NFKBIZ: variants seen among roughly 807,000 people sequenced by gnomAD.
NFKBIZ encodes NFKB inhibitor zeta, also known as NF-kappa-B inhibitor zeta.
NFKBIZ carries 19 observed loss-of-function variants against 76.8 expected under a neutral mutation model. The observed-to-expected ratio is 0.25, with a 90% CI of 0.17 to 0.36. The LOEUF is 0.36. Among genes scored for constraint, NFKBIZ ranks in the 10% least tolerant of loss-of-function variants. The pLI is 1.00. For missense variants in NFKBIZ, 829 were observed against 910.9 expected, an observed-to-expected ratio of 0.91 and a Z score of 1.16; for synonymous variants, 368 against 354.8, an observed-to-expected ratio of 1.04 and a Z score of -0.42.
chr3:101,849,556 A>G lies in NFKBIZ; in HGVS notation c.-73A>G. 3 of 1,246,544 alleles carry G rather than the reference A, an allele frequency of 2.4e-6. No homozygotes were observed. The highest frequency in any genetic ancestry group is 2.6e-5 in the South Asian group (1 of 39,174). The allele number at this position is 1,246,544 out of a possible 1,614,324, so 77.2% of individuals were successfully genotyped here. A position where few individuals can be genotyped will look rare whatever the true frequency, so the allele number is the denominator to read the frequency against. ...CCGCCCGCCGACAGCTCCCTGAGCC[A>G]GCCCGGGAGGCAGCCGCGCGCAGCG... On this transcript the variant is annotated 5_prime_UTR_variant, in exon 1 of 12. Coordinates refer to ENST00000326172, the MANE Select transcript of NFKBIZ (RefSeq NM_031419.4).
At chr3:101,835,061 CATT>C (rs1427823668) in intron 2 of NFKBIZ, among the ~76,000 whole-genome samples, 1 of 152,210 alleles carries the variant, frequency 6.6e-6, no homozygotes, top group East Asian at 1.9e-4. Context: ...TAACTACCAT[CATT>C]GAGTGTATAT....
intron 5 of NFKBIZ, among the ~76,000 whole-genome samples, chr3:101,854,362 T>C (rs563380653): frequency 6.6e-6 from 1 of 152,330 alleles, no homozygotes; most frequent in Non-Finnish European, 1.5e-5. Flanking sequence ...GTGCTTGACA[T>C]TCTTCTTTTT....
chr3:101,842,180 A>G (rs1045829555), intron 2 of NFKBIZ, among the ~76,000 whole-genome samples: 1 of 152,174 alleles, frequency 6.6e-6, no homozygotes, highest in Non-Finnish European at 1.5e-5. Context: ...GAAAGGCTCC[A>G]GAAGTGTTGG....
At chr3:101,844,810 T>A (rs1942828658), upstream of NFKBIZ, among the ~76,000 whole-genome samples, 1 of 152,192 alleles carries the variant, frequency 6.6e-6, no homozygotes, top group African/African-American at 2.4e-5. Flanking sequence ...TTCAGCAAAA[T>A]AAACTCTACC....
intron 11 of NFKBIZ, chr3:101,858,045 T>C: frequency 1.2e-6 from 1 of 867,114 alleles, no homozygotes; most frequent in Non-Finnish European, 1.4e-6. Flanking sequence ...TATCATTGAG[T>C]ATTGAATAGT....
At chr3:101,829,076 A>G (rs2107388626) in intron 1 of NFKBIZ, among the ~76,000 whole-genome samples, 1 of 152,310 alleles carries the variant, frequency 6.6e-6, no homozygotes, top group South Asian at 2.1e-4. Flanking sequence ...GCAGGGCATC[A>G]GCCACACAGA....
chr3:101,857,893 A>G (rs754591757), intron 11 of NFKBIZ: 26 of 863,884 alleles, frequency 3.0e-5, no homozygotes, highest in Non-Finnish European at 3.5e-5. Context: ...GAGATCAGTG[A>G]ACATCAATAG....
chr3:101,858,330 T>G (rs1943081922), intron 11 of NFKBIZ: 1 of 967,248 alleles, frequency 1.0e-6, no homozygotes, highest in Non-Finnish European at 1.2e-6. Flanking sequence ...AAAGTTTTCA[T>G]GTATATCATT....
At position 101,855,881 on chromosome 3, in the gene NFKBIZ, G is replaced by A; in HGVS notation, c.1803G>A (p.Met601Ile). 1.2e-6 allele frequency: 2 copies of A among 1,609,396 alleles called. No individual in the cohort carries two copies. The highest frequency in any genetic ancestry group is 1.7e-6 in the Non-Finnish European group (2 of 1,178,078). ...LVDTIKCLIQ[M>I]GAAVEAKDRK... ...ATACCATTAAGTGCCTAATTCAAAT[G>A]GGAGCAGCGGTGGAAGCGAAGGTAA... The change falls in exon 9 of 12, where the codon ATG becomes ATA. Residue 601 changes from methionine to isoleucine, a missense_variant. By Grantham distance (10) the Met-to-Ile change is conservative (BLOSUM62 1). Around this residue, in one of 4 missense-constraint regions of NFKBIZ, gnomAD observed 272 missense variants for 384.2 expected, o/e 0.71. Coordinates refer to ENST00000326172, the MANE Select transcript of NFKBIZ (RefSeq NM_031419.4).
chr3:101,830,101 G>T (rs929400021), intron 2 of NFKBIZ, among the ~76,000 whole-genome samples: 10 of 152,094 alleles, frequency 6.6e-5, no homozygotes, highest in African/African-American at 2.4e-4. Flanking sequence ...AGCATATGTG[G>T]TTTCTGATTA....
intron 1 of NFKBIZ, among the ~76,000 whole-genome samples, chr3:101,851,601 G>A (rs1472557549): frequency 6.6e-6 from 1 of 152,246 alleles, no homozygotes; most frequent in African/African-American, 2.4e-5. Flanking sequence ...AAATTTCTAT[G>A]TGAACATAAA....
intron 11 of NFKBIZ, chr3:101,858,467 A>G (rs915760430): frequency 1.0e-6 from 1 of 984,578 alleles, no homozygotes; most frequent in African/African-American, 1.7e-5. Context: ...ATTTGCTTCT[A>G]CTTCACTGTT....
rs1942931401 is a variant in NFKBIZ, at chr3:101,850,207, C to CT, written c.289+291dup. 2 of 361,680 alleles carry CT rather than the reference C, an allele frequency of 5.5e-6. 1 individual carries two copies. Among genetic ancestry groups the CT allele is most frequent in the Non-Finnish European group, 9.9e-6 (2 of 201,632 alleles). 22.4% of individuals were successfully genotyped at this position (361,680 alleles called of 1,614,324 possible). On this transcript the variant is annotated intron_variant, in intron 1 of 11. Coordinates refer to ENST00000326172, the MANE Select transcript of NFKBIZ (RefSeq NM_031419.4). ...GAGTGACCAGGAGATCGCTCGCTCT[C>CT]TAAGAAGCAGCTTTGTTGAGTCATA...
upstream of NFKBIZ, among the ~76,000 whole-genome samples, chr3:101,847,376 C>G (rs1189234573): frequency 6.6e-6 from 1 of 152,084 alleles, no homozygotes; most frequent in African/African-American, 2.4e-5. Flanking sequence ...TTAAAGTTAT[C>G]AAAAAGTTGG....
chr3:101,859,269 A>G (rs1313351441), intron 11 of NFKBIZ, 49 bp from the exon 12 acceptor site: 3 of 1,439,998 alleles, frequency 2.1e-6, no homozygotes, highest in African/African-American at 2.8e-5. Flanking sequence ...AATACACCAC[A>G]TTGGCCATAA....
chr3:101,842,960 C>A lies in NFKBIZ; in HGVS notation c.-11-9125C>A, dbSNP rs371983411. 1.4e-5 allele frequency among the ~76,000 whole-genome samples: 2 copies of A among 139,774 alleles called. 1 individual carries two copies. Among genetic ancestry groups the A allele is most frequent in the Admixed American group, 1.5e-4 (2 of 12,914 alleles). The allele number at this position is 139,774 out of a possible 152,430, so 91.7% of individuals were successfully genotyped here. A position where few individuals can be genotyped will look rare whatever the true frequency, so the allele number is the denominator to read the frequency against. On this transcript the variant is annotated intron_variant, in intron 2 of 12. Coordinates refer to the NFKBIZ transcript ENST00000394054. ...TGACTGATAGGACATTGCCTACATTCGATCCCTAAAAATTATTTAAATCTG... is the reference window on the plus strand; with the variant it reads ...TGACTGATAGGACATTGCCTACATTAGATCCCTAAAAATTATTTAAATCTG...
rs1297299494 is a variant in NFKBIZ at position 101,855,828 on chromosome 3, C to A, written c.1750C>A (p.Leu584Ile). ...GCCTCATTCACCTGAAGTTCAGGAG[C>A]TTTTACTGAAGAATAAGAGTCTGGT... ...QQPHSPEVQE[L>I]LLKNKSLVDT... Residue 584 changes from leucine to isoleucine, a missense_variant, in exon 9 of 12, where the codon CTT (leucine) becomes ATT (isoleucine). Transcript: ENST00000326172. 1.2e-6 allele frequency: 2 copies of A among 1,613,912 alleles called. No individual in the cohort carries two copies. The highest frequency in any genetic ancestry group is 1.7e-6 in the Non-Finnish European group (2 of 1,179,984).
At chr3:101,840,339 G>C (rs911442958) in intron 2 of NFKBIZ, among the ~76,000 whole-genome samples, 2 of 152,140 alleles carry the variant, frequency 1.3e-5, no homozygotes, top group African/African-American at 4.8e-5. Context: ...ACTCTCATGA[G>C]CTAAGAACCA....
intron 2 of NFKBIZ, among the ~76,000 whole-genome samples, chr3:101,837,612 CAGA>C (rs1312595452): frequency 6.6e-6 from 1 of 151,916 alleles, no homozygotes; most frequent in Non-Finnish European, 1.5e-5. Context: ...TTGAGAATCA[CAGA>C]AGAAAGAATC....
Sources: gnomAD v4.1 joint callset for allele counts (sites outside exome capture counted in the v4.1 genomes callset) on GRCh38, gnomAD v4.1.1 for gene constraint, gnomAD v4.1.1 regional missense constraint, MANE v1.5 for transcripts, NCBI Gene and HGNC (gene_info 2026-07-23, HGNC 2026-07-21) for gene names.